Variants in CELSR1 observed in about 807,000 individuals in gnomAD.
CELSR1 encodes the protein adhesion G protein-coupled receptor C1.
A neutral mutation model predicts 249.1 loss-of-function variants in CELSR1; 110 were observed. The ratio of observed to expected loss-of-function variants is 0.44; its 90% CI spans 0.38 to 0.52. The LOEUF is 0.52. Ranked by LOEUF, CELSR1 falls within the 20% of genes least tolerant of loss-of-function variation. The pLI, the probability that CELSR1 is intolerant of heterozygous loss-of-function variation, is 0.00. For synonymous variants in CELSR1, 2,113 were observed against 1,900.0 expected (o/e 1.11, Z -2.92); for missense variants, 4,109 against 4,296.4 (o/e 0.96, Z 1.22).
chr22:46,369,238 G>A lies in CELSR1; in HGVS notation c.7893C>T (p.Val2631=), dbSNP rs755441918. The A allele has an allele frequency of 8.7e-6, 14 of 1,614,054 alleles. No homozygotes were observed. The South Asian group carries it at 1.3e-4, about 15-fold the overall frequency. The part of the protein sequence containing the change: ...AVIIINTVTS[V]LSAKVSCQRK... The stretch of plus-strand genomic sequence containing the variant: ...TTTGGCAGGAAACCTTTGCAGATAG[G>A]ACAGAAGTGACTGTGTTGATCTGAA... The change falls in exon 27 of 35, where the codon GTC becomes GTT. Residue 2631 remains valine (V), a synonymous_variant. Transcript: ENST00000674500.
At chr22:46,375,125 G>C (rs1602039714) in intron 24 of CELSR1, among the ~76,000 whole-genome samples, 2 of 152,216 alleles carry the variant, frequency 1.3e-5, no homozygotes, top group East Asian at 3.9e-4. Context: ...AGGAGGAGCA[G>C]CTCAGGTCTG....
At chr22:46,462,027 C>T (rs2080034505) in intron 2 of CELSR1, among the ~76,000 whole-genome samples, 1 of 152,254 alleles carries the variant, frequency 6.6e-6, no homozygotes, top group African/African-American at 2.4e-5. Flanking sequence ...TGGTTCAGGC[C>T]TGCTCATACC....
intron 24 of CELSR1, among the ~76,000 whole-genome samples, chr22:46,373,635 A>T (rs912696909): frequency 3.3e-5 from 4 of 119,776 alleles, no homozygotes; most frequent in Non-Finnish European, 4.9e-5. Flanking sequence ...AGGCTGAACC[A>T]GCCAAATGGG....
chr22:46,368,647 C>T (rs529992572), intron 27 of CELSR1, among the ~76,000 whole-genome samples: 3 of 152,250 alleles, frequency 2.0e-5, no homozygotes, highest in East Asian at 1.9e-4. Flanking sequence ...CTGACCCTGT[C>T]GTGGCTCCTG....
At position 46,377,052 on chromosome 22, in the gene CELSR1, T is replaced by G; in HGVS notation, c.7584+9A>C. The G allele has an allele frequency of 6.2e-7, 1 of 1,611,866 alleles. No homozygotes were observed. The highest frequency in any genetic ancestry group is 8.5e-7 in the Non-Finnish European group (1 of 1,179,622). On this transcript the variant is annotated intron_variant, in intron 24 of 34. Coordinates refer to ENST00000674500, the MANE Select transcript of CELSR1 (RefSeq NM_001378328.1). ...CCAGACAGTGGGGAGGGGAGCAGAG[T>G]GGCCATACCGGGTTTTCCGTCTGGT...
Position 46,364,645 on chromosome 22 carries a change from C to T in CELSR1, c.8646G>A (p.Leu2882=), listed in dbSNP as rs1197616982. 1.2e-6 allele frequency: 2 copies of T among 1,612,718 alleles called. No individual in the cohort carries two copies. The highest frequency in any genetic ancestry group is 1.7e-5 in the Admixed American group (1 of 60,020). The part of the protein sequence containing the change: ...DSEDPSGKPR[L]KVETKVSVEL... ...CCACGCTGACCTTGGTCTCCACCTT[C>T]AGGCGGGGCTTGCCGCTGGGGTCCT... The change falls in exon 33 of 35, where the codon CTG becomes CTA. Residue 2882 remains leucine (L), a synonymous_variant. Coordinates refer to ENST00000674500, the MANE Select transcript of CELSR1 (RefSeq NM_001378328.1).
chr22:46,498,696 C>T (rs1401417100), intron 1 of CELSR1, among the ~76,000 whole-genome samples: 5 of 151,992 alleles, frequency 3.3e-5, no homozygotes, highest in African/African-American at 9.7e-5. Flanking sequence ...ACAGACGCTT[C>T]CTCTCCTGTG....
chr22:46,453,813 C>T (rs546951848), intron 2 of CELSR1, among the ~76,000 whole-genome samples: 7 of 152,262 alleles, frequency 4.6e-5, no homozygotes, highest in African/African-American at 1.2e-4. Context: ...ACCACAGCGC[C>T]GATGGTGGGA....
chr22:46,377,179 A>G lies in CELSR1; in HGVS notation c.7466T>C (p.Leu2489Pro). 6.2e-7 allele frequency: 1 copy of G among 1,613,930 alleles called. No homozygotes were observed. The change falls in exon 24 of 35, where the codon CTC becomes CCC. Residue 2489 changes from leucine (L) to proline (P), a missense_variant. Around this residue, in one of 7 missense-constraint regions of CELSR1, gnomAD observed 1,805 missense variants for 1,831.6 expected, o/e 0.99. Transcript: ENST00000674500. The stretch of plus-strand genomic sequence containing the variant: ...GCGCAGCATGCGGACCAGGCTCAGG[A>G]GGACGAAGGCCACCAGCAGGGCTGC... ...SLAALLVAFVLLSLVRMLRSN... is the reference protein window; with the variant it reads ...SLAALLVAFVPLSLVRMLRSN...
At chr22:46,400,128 G>C (rs1021896245) in intron 9 of CELSR1, among the ~76,000 whole-genome samples, 1 of 151,888 alleles carries the variant, frequency 6.6e-6, no homozygotes, top group Non-Finnish European at 1.5e-5. Flanking sequence ...TCAAAAGTTC[G>C]TGACCAGCCT....
chr22:46,485,028 G>A (rs529005006), intron 1 of CELSR1, among the ~76,000 whole-genome samples: 3 of 151,846 alleles, frequency 2.0e-5, no homozygotes, highest in Non-Finnish European at 2.9e-5. Flanking sequence ...ACATTAGAAG[G>A]GTCATTTGAG....
At chr22:46,458,001 G>A (rs144736158) in intron 2 of CELSR1, among the ~76,000 whole-genome samples, 186 of 152,336 alleles carry the variant, frequency 1.2e-3, no homozygotes, top group Non-Finnish European at 2.3e-3. Context: ...GCAGACCCGC[G>A]GGCATGTTCT....
At chr22:46,487,451 G>A (rs2080323499) in intron 1 of CELSR1, among the ~76,000 whole-genome samples, 1 of 144,706 alleles carries the variant, frequency 6.9e-6, no homozygotes, top group Non-Finnish European at 1.5e-5. Context: ...ATGCCAAGAG[G>A]GAAAACCACA....
Position 46,531,355 on chromosome 22 carries a change from G to A in CELSR1, c.3544+2272C>T, listed in dbSNP as rs183519099. On this transcript the variant is annotated intron_variant, in intron 1 of 34. Transcript: ENST00000674500. ...CGAGTAGCTGGGACTACAGGTGCTC[G>A]CCACCACACCAGGCTAATTTTTGTA... Among the ~76,000 whole-genome samples, 98 of 152,054 alleles carry A rather than the reference G, an allele frequency of 6.4e-4. 1 individual carries two copies. Among genetic ancestry groups the A allele is most frequent in the African/African-American group, 2.2e-3 (93 of 41,452 alleles).
chr22:46,481,042 C>G (rs1416277076), intron 1 of CELSR1, among the ~76,000 whole-genome samples: 1 of 152,166 alleles, frequency 6.6e-6, no homozygotes, highest in Non-Finnish European at 1.5e-5. Context: ...TGAGACCAGT[C>G]TGACCAACAT....
chr22:46,477,309 C>T (rs1031992573), intron 1 of CELSR1, among the ~76,000 whole-genome samples: 9 of 152,284 alleles, frequency 5.9e-5, no homozygotes, highest in Non-Finnish European at 8.8e-5. Context: ...CGACAGGGAT[C>T]AAACACCTGG....
chr22:46,432,133 G>A (rs1474869588), intron 5 of CELSR1, among the ~76,000 whole-genome samples: 1 of 152,202 alleles, frequency 6.6e-6, no homozygotes, highest in East Asian at 1.9e-4. Flanking sequence ...CTGTGCAGGT[G>A]ACCACTACTT....
intron 2 of CELSR1, among the ~76,000 whole-genome samples, chr22:46,453,385 C>G (rs966612086): frequency 7.2e-5 from 11 of 152,324 alleles, no homozygotes; most frequent in African/African-American, 2.6e-4. Flanking sequence ...CCAGGACAGA[C>G]AGTGCACTAG....
Position 46,399,328 on chromosome 22 carries a change from T to A in CELSR1, c.5412+389A>T, listed in dbSNP as rs1294360727. ...ACCTGGGTCTCACTGCTCTCCCAGT[T>A]TTGCTCCCCATCCATGCTCTGAGGG... is the stretch of plus-strand genomic sequence containing the variant. On this transcript the variant is annotated intron_variant, in intron 10 of 34. Transcript: ENST00000674500. This position sits in a 1 kb window ranked among gnomAD's most constrained non-coding sequence, Gnocchi z 5.0. Among the ~76,000 whole-genome samples the A allele has an allele frequency of 6.6e-6, 1 of 152,174 alleles. No homozygotes were observed. The highest frequency in any genetic ancestry group is 1.5e-5 in the Non-Finnish European group (1 of 68,034).
Sources: allele counts gnomAD v4.1 joint callset (sites outside exome capture counted in the v4.1 genomes callset), GRCh38; gene constraint gnomAD v4.1.1; regional missense constraint gnomAD v4.1.1; non-coding constraint Gnocchi (gnomAD v3.1); transcripts MANE v1.5; gene names NCBI Gene and HGNC (gene_info 2026-07-23, HGNC 2026-07-21).